The following HACE1 variants were observed in gnomAD, a reference collection of about 807,000 sequenced individuals.
HACE1 encodes E3 ubiquitin-protein ligase HACE1.
In HACE1, 73 loss-of-function variants were observed where a neutral mutation model predicts 118.4. The observed-to-expected ratio is 0.62, with a 90% CI of 0.51 to 0.75. HACE1 has a LOEUF of 0.75. Ranked by LOEUF, HACE1 falls within the 30% of genes least tolerant of loss-of-function variation. HACE1 has a pLI of 0.00. For synonymous variants in HACE1, 368 were observed against 374.8 expected, an observed-to-expected ratio of 0.98 and a Z score of 0.21; for missense variants, 749 against 1,102.2, an observed-to-expected ratio of 0.68 and a Z score of 4.54.
At chr6:104,797,819 A>T (rs1234047286) in intron 7 of HACE1, among the ~76,000 whole-genome samples, 1 of 152,160 alleles carries the variant, frequency 6.6e-6, no homozygotes, top group East Asian at 1.9e-4. Flanking sequence ...CTGTAATCCC[A>T]GCACTTTGAG....
At chr6:104,817,694 C>T (rs745588308) in intron 6 of HACE1, among the ~76,000 whole-genome samples, 7 of 152,232 alleles carry the variant, frequency 4.6e-5, no homozygotes, top group Admixed American at 6.5e-5. Flanking sequence ...GATGAAGAAA[C>T]GCTGATTCAT....
intron 7 of HACE1, among the ~76,000 whole-genome samples, chr6:104,804,504 T>G (rs570366207): frequency 1.3e-5 from 2 of 151,998 alleles, no homozygotes; most frequent in East Asian, 1.9e-4. Context: ...ATGGTACTGG[T>G]ACCAAGAGAT....
chr6:104,780,281 A>AAC (rs143353438), intron 14 of HACE1: 68 of 375,940 alleles, frequency 1.8e-4, no homozygotes, highest in East Asian at 4.0e-4. Context: ...GCTCAGATCA[A>AAC]ACACACACAC....
chr6:104,737,304 A>AAAAG (rs1775983111), intron 22 of HACE1, among the ~76,000 whole-genome samples: 2 of 150,742 alleles, frequency 1.3e-5, no homozygotes, highest in African/African-American at 2.5e-5. Flanking sequence ...AAAAAAAAAA[A>AAAAG]AAAGAAAATT....
intron 19 of HACE1, among the ~76,000 whole-genome samples, chr6:104,761,097 C>G (rs1779307758): frequency 6.6e-6 from 1 of 152,116 alleles, no homozygotes; most frequent in African/African-American, 2.4e-5. Context: ...TAGGAAGAAG[C>G]AATATCATAA....
intron 2 of HACE1, 110 bp downstream of exon 2, chr6:104,852,207 G>C: frequency 1.5e-6 from 1 of 678,320 alleles, no homozygotes; most frequent in Non-Finnish European, 2.7e-6. Flanking sequence ...GTCTGTGTGT[G>C]TGTGTGTGTG....
intron 19 of HACE1, among the ~76,000 whole-genome samples, chr6:104,765,669 C>G (rs566689732): frequency 6.6e-6 from 1 of 152,056 alleles, no homozygotes; most frequent in South Asian, 2.1e-4. Context: ...AGTCAGAGTT[C>G]CCTTCAATTT....
At chr6:104,808,541 C>T (rs1352190397) in intron 7 of HACE1, among the ~76,000 whole-genome samples, 1 of 152,066 alleles carries the variant, frequency 6.6e-6, no homozygotes. Context: ...ATCTTAATAC[C>T]ATTCTAAATT....
At chr6:104,832,378 T>G (rs369551711) in intron 6 of HACE1, among the ~76,000 whole-genome samples, 48 of 122,554 alleles carry the variant, frequency 3.9e-4, no homozygotes, top group Non-Finnish European at 6.8e-4. Flanking sequence ...TATTTTCCTG[T>G]TTTTTGTTGT....
chr6:104,797,731 G>T (rs1230471765), intron 7 of HACE1, among the ~76,000 whole-genome samples: 1 of 151,940 alleles, frequency 6.6e-6, no homozygotes, highest in Non-Finnish European at 1.5e-5. Context: ...GTAGAATTGT[G>T]TAACTATCAC....
chr6:104,754,672 T>C (rs1212956719), intron 19 of HACE1, among the ~76,000 whole-genome samples: 1 of 152,222 alleles, frequency 6.6e-6, no homozygotes, highest in East Asian at 1.9e-4. Context: ...GAGAATTTCA[T>C]ATCTGGACAA....
At chr6:104,819,902 A>C (rs1358269545) in intron 6 of HACE1, among the ~76,000 whole-genome samples, 2 of 152,194 alleles carry the variant, frequency 1.3e-5, no homozygotes, top group East Asian at 1.9e-4. Flanking sequence ...TAAAGACTTA[A>C]ATGTAAAACC....
At chr6:104,751,616 C>A in intron 19 of HACE1, among the ~76,000 whole-genome samples, 1 of 151,926 alleles carries the variant, frequency 6.6e-6, no homozygotes, top group South Asian at 2.1e-4. Context: ...GGCAACAGGG[C>A]AAGATCCTGT....
chr6:104,752,375 G>A (rs1778154053), intron 19 of HACE1, among the ~76,000 whole-genome samples: 1 of 152,132 alleles, frequency 6.6e-6, no homozygotes, highest in Admixed American at 6.5e-5. Flanking sequence ...AGTGATACCT[G>A]CATTAGCACA....
At chr6:104,792,585 C>T (rs953890237) in intron 10 of HACE1, among the ~76,000 whole-genome samples, 1 of 152,114 alleles carries the variant, frequency 6.6e-6, no homozygotes, top group Admixed American at 6.5e-5. Context: ...TGAACTTCTG[C>T]GCAGAACAGC....
At chr6:104,821,300 T>G (rs1474272835) in intron 6 of HACE1, among the ~76,000 whole-genome samples, 3 of 152,118 alleles carry the variant, frequency 2.0e-5, no homozygotes, top group Admixed American at 2.0e-4. Flanking sequence ...AGTTTACCTA[T>G]GTATCAAACC....
At chr6:104,761,003 C>G (rs1035360277) in intron 19 of HACE1, among the ~76,000 whole-genome samples, 2 of 152,076 alleles carry the variant, frequency 1.3e-5, no homozygotes, top group Admixed American at 1.3e-4. Flanking sequence ...ATGTGAAGAA[C>G]CCCTTCAAGG....
chr6:104,824,040 G>A (rs1252329649), intron 6 of HACE1, among the ~76,000 whole-genome samples: 1 of 152,146 alleles, frequency 6.6e-6, no homozygotes, highest in Admixed American at 6.5e-5. Flanking sequence ...TAATAAGGAA[G>A]GTCTACTTAG....
At chr6:104,776,890 T>G in intron 16 of HACE1, 62 bp from the exon 17 acceptor site, 1 of 1,370,252 alleles carries the variant, frequency 7.3e-7, no homozygotes, top group Non-Finnish European at 1.0e-6. Flanking sequence ...AATTTTTTTC[T>G]AAATAACAAA....
Sources: allele counts gnomAD v4.1 joint callset (sites outside exome capture counted in the v4.1 genomes callset), GRCh38; gene constraint gnomAD v4.1.1; transcripts MANE v1.5; gene names NCBI Gene and HGNC (gene_info 2026-07-23, HGNC 2026-07-21).